Variants in PRELID2 observed in about 807,000 individuals in gnomAD.
PRELID2 encodes PRELI domain-containing protein 2.
In PRELID2, 25 loss-of-function variants were observed where a neutral mutation model predicts 28.4. That is an observed-to-expected ratio of 0.88 (90% CI 0.64 to 1.23). The LOEUF is 1.23. Among genes scored for constraint, PRELID2 ranks in the 50% most tolerant of loss-of-function variants. The pLI is 0.00. For missense variants in PRELID2, 201 were observed against 214.4 expected, an observed-to-expected ratio of 0.94 and a Z score of 0.39; for synonymous variants, 76 against 71.6, an observed-to-expected ratio of 1.06 and a Z score of -0.31.
intron 1 of PRELID2, among the ~76,000 whole-genome samples, chr5:145,677,242 C>T (rs1307728162): frequency 2.0e-5 from 3 of 148,272 alleles, no homozygotes; most frequent in African/African-American, 7.5e-5. Context: ...GCAATCTCTG[C>T]CTCCTGGGTT....
At chr5:145,792,075 C>T (rs966750022) in intron 5 of PRELID2, among the ~76,000 whole-genome samples, 3 of 152,218 alleles carry the variant, frequency 2.0e-5, no homozygotes, top group Middle Eastern at 3.4e-3. Flanking sequence ...GTTTGCATTC[C>T]TCCATCATTA....
At chr5:145,736,065 A>G (rs1261292669) in intron 1 of PRELID2, among the ~76,000 whole-genome samples, 1 of 152,196 alleles carries the variant, frequency 6.6e-6, no homozygotes, top group Admixed American at 6.5e-5. Context: ...GCATCATTTT[A>G]AAATAAAACA....
At chr5:145,563,416 A>G (rs1752940403) in intron 1 of PRELID2, among the ~76,000 whole-genome samples, 1 of 152,188 alleles carries the variant, frequency 6.6e-6, no homozygotes, top group South Asian at 2.1e-4. Flanking sequence ...ATGAATGAAT[A>G]TATTTCTTTC....
chr5:145,258,966 G>T, the PRELID2 span, among the ~76,000 whole-genome samples: 1 of 152,162 alleles, frequency 6.6e-6, no homozygotes, highest in African/African-American at 2.4e-5. Context: ...TCAGGACATT[G>T]CTTCTTGCAT....
the PRELID2 span, among the ~76,000 whole-genome samples, chr5:145,331,155 C>CA: frequency 9.9e-5 from 15 of 152,252 alleles, no homozygotes; most frequent in South Asian, 3.1e-3. Context: ...GTTATGATTT[C>CA]CATTCTTTTG....
intron 1 of PRELID2, among the ~76,000 whole-genome samples, chr5:145,660,996 A>C (rs1754482789): frequency 6.6e-6 from 1 of 152,244 alleles, no homozygotes; most frequent in South Asian, 2.1e-4. Context: ...ACTTTGTTTT[A>C]AAAATCTTAT....
At chr5:145,433,735 T>C in the PRELID2 span, among the ~76,000 whole-genome samples, 1 of 152,082 alleles carries the variant, frequency 6.6e-6, no homozygotes, top group Non-Finnish European at 1.5e-5. Flanking sequence ...TTCAGCTCCT[T>C]CATGCCTCTT....
chr5:145,432,656 G>T, the PRELID2 span, among the ~76,000 whole-genome samples: 4 of 152,022 alleles, frequency 2.6e-5, no homozygotes, highest in African/African-American at 9.7e-5. Context: ...GGGCACTACT[G>T]TAAGCTGTTT....
the PRELID2 span, among the ~76,000 whole-genome samples, chr5:145,403,398 GA>G: frequency 9.9e-5 from 15 of 151,966 alleles, no homozygotes; most frequent in African/African-American, 2.7e-4. Context: ...AAAAATTTTA[GA>G]AAAAAAATTG....
At chr5:145,283,925 G>A in the PRELID2 span, among the ~76,000 whole-genome samples, 1 of 152,024 alleles carries the variant, frequency 6.6e-6, no homozygotes, top group African/African-American at 2.4e-5. Context: ...TTTGTTTGGT[G>A]GGGGGAAGGT....
chr5:145,361,604 G>A, the PRELID2 span, among the ~76,000 whole-genome samples: 1 of 152,146 alleles, frequency 6.6e-6, no homozygotes, highest in African/African-American at 2.4e-5. Context: ...GCACACCACA[G>A]CTCTGCAGAG....
At chr5:145,464,994 G>T in the PRELID2 span, among the ~76,000 whole-genome samples, 1 of 152,092 alleles carries the variant, frequency 6.6e-6, no homozygotes, top group Non-Finnish European at 1.5e-5. Flanking sequence ...AATGTATGTT[G>T]TCCTATTGAT....
chr5:145,467,802 CA>C (rs1256136294), downstream of PRELID2, among the ~76,000 whole-genome samples: 1 of 151,480 alleles, frequency 6.6e-6, no homozygotes, highest in African/African-American at 2.4e-5. Flanking sequence ...ATCAAACTAG[CA>C]GATATATTTC....
chr5:145,662,696 A>G (rs1333828155), intron 1 of PRELID2, among the ~76,000 whole-genome samples: 1 of 151,948 alleles, frequency 6.6e-6, no homozygotes, highest in East Asian at 1.9e-4. Flanking sequence ...AAAGAAGAGA[A>G]ATCTGAGCTA....
Position 145,605,683 on chromosome 5 carries a change from A to T in PRELID2, n.71-132368T>A, listed in dbSNP as rs565039272. On this transcript the variant is annotated intron_variant and non_coding_transcript_variant, in intron 1 of 2. Transcript: ENST00000510259. Reference sequence around the variant, plus strand: ...TCTTTTATGGTTCCATATGAATTTTAAAATACTTTTTTCTAATTAGTTGCC... The same window carrying T: ...TCTTTTATGGTTCCATATGAATTTTTAAATACTTTTTTCTAATTAGTTGCC... Among the ~76,000 whole-genome samples, 31 of 152,184 alleles carry T rather than the reference A, an allele frequency of 2.0e-4. No homozygotes were observed. The South Asian group carries it at 5.2e-3, about 25-fold the overall frequency.
At chr5:145,369,072 G>T in the PRELID2 span, among the ~76,000 whole-genome samples, 1 of 151,662 alleles carries the variant, frequency 6.6e-6, no homozygotes, top group African/African-American at 2.4e-5. Context: ...AGTATTTGGG[G>T]TTTCTGTTCC....
chr5:145,254,562 G>A, the PRELID2 span, among the ~76,000 whole-genome samples: 1 of 152,004 alleles, frequency 6.6e-6, no homozygotes, highest in African/African-American at 2.4e-5. Flanking sequence ...AATTCTGAGG[G>A]CAAAGCAAGA....
chr5:145,333,811 G>A, the PRELID2 span, among the ~76,000 whole-genome samples: 1 of 139,606 alleles, frequency 7.2e-6, no homozygotes, highest in Non-Finnish European at 1.5e-5. Context: ...AGGTGCCACT[G>A]GAGTATACAA....
the PRELID2 span, among the ~76,000 whole-genome samples, chr5:145,238,151 A>G: frequency 2.0e-5 from 3 of 152,140 alleles, no homozygotes; most frequent in African/African-American, 4.8e-5. Flanking sequence ...TTAGCTTGCT[A>G]TGAAAAGGGC....
Sources: gnomAD v4.1 joint callset for allele counts (sites outside exome capture counted in the v4.1 genomes callset) on GRCh38, gnomAD v4.1.1 for gene constraint, MANE v1.5 for transcripts, NCBI Gene and HGNC (gene_info 2026-07-23, HGNC 2026-07-21) for gene names.